Variants in CYP2E1 observed in about 807,000 individuals in gnomAD.
CYP2E1 encodes the protein cytochrome P450 family 2 subfamily E member 1, also known as cytochrome P450 2E1.
In CYP2E1, 31 loss-of-function variants were observed where a neutral mutation model predicts 42.9. That is an observed-to-expected ratio of 0.72 (90% CI 0.54 to 0.98). The LOEUF (loss-of-function observed/expected upper bound fraction) is 0.98, where lower values mean the gene tolerates loss of function less well. Among genes scored for constraint, CYP2E1 ranks in the 50% least tolerant of loss-of-function variants. CYP2E1 has a pLI of 0.00. For synonymous variants in CYP2E1, 244 were observed against 248.9 expected (o/e 0.98, Z 0.19); for missense variants, 565 against 633.2 (o/e 0.89, Z 1.16).
intron 6 of CYP2E1, among the ~76,000 whole-genome samples, chr10:133,536,485 A>G: frequency 7.2e-6 from 1 of 138,584 alleles, no homozygotes; most frequent in Non-Finnish European, 1.6e-5. Context: ...GGGTCAATGG[A>G]TGTGTGGATG....
In CYP2E1 at chr10:133,531,739, G is replaced by C; in HGVS notation, c.487+5G>C. 6.3e-7 allele frequency: 1 copy of C among 1,582,500 alleles called. No individual in the cohort carries two copies. The highest frequency in any genetic ancestry group is 1.2e-5 in the South Asian group (1 of 84,130). Reference sequence around the variant, plus strand: ...AAGCACTCAGGAAGACCCAAGGTGCGTATCTGCTGCCTAGCAGGGCCCAGT... The same window carrying C: ...AAGCACTCAGGAAGACCCAAGGTGCCTATCTGCTGCCTAGCAGGGCCCAGT... On this transcript the variant is annotated splice_donor_5th_base_variant and intron_variant, in intron 3 of 8. Transcript: ENST00000252945.
intron 6 of CYP2E1, among the ~76,000 whole-genome samples, chr10:133,536,778 TG>T (rs1851408694): frequency 2.0e-5 from 1 of 49,664 alleles, no homozygotes; most frequent in Non-Finnish European, 4.3e-5. Context: ...GATGGATGGG[TG>T]GGTGGGTGGA....
In CYP2E1 at chr10:133,538,900, C is replaced by T; in HGVS notation, c.1418C>T (p.Pro473Leu). The change falls in exon 9 of 9, where the codon CCT (proline) becomes CTT (leucine). Residue 473 changes from proline to leucine, a missense_variant. By Grantham distance (98) the Pro-to-Leu change is moderately conservative (BLOSUM62 -3). Transcript: ENST00000252945. ...LVDPKDIDLS[P>L]IHIGFGCIPP... ...GACCCAAAGGATATCGACCTCAGCCCTATACATATTGGGTTTGGCTGTATC... is the reference window on the plus strand; with the variant it reads ...GACCCAAAGGATATCGACCTCAGCCTTATACATATTGGGTTTGGCTGTATC... 6.2e-7 allele frequency: 1 copy of T among 1,614,078 alleles called. No homozygotes were observed. Among genetic ancestry groups the T allele is most frequent in the Non-Finnish European group, 8.5e-7 (1 of 1,179,990 alleles).
rs138223492 is a variant in CYP2E1 at position 133,533,894 on chromosome 10, G to A, written c.964G>A (p.Glu322Lys). The change falls in exon 6 of 9, where the codon GAA becomes AAA. Residue 322 changes from glutamate to lysine, a missense_variant. Physicochemically the swap from Glu to Lys is moderately conservative, Grantham distance 56. Transcript: ENST00000252945. ...GATTCTCATGAAATACCCTGAGATC[G>A]AAGGTAGGCAAGTGACTGAAGGGAC... ...LLILMKYPEI[E>K]EKLHEEIDRV... 5.0e-6 allele frequency: 8 copies of A among 1,613,910 alleles called. No individual in the cohort carries two copies. The highest frequency in any genetic ancestry group is 1.7e-5 in the Admixed American group (1 of 60,002).
At chr10:133,529,229 C>A (rs1018034699) in intron 2 of CYP2E1, among the ~76,000 whole-genome samples, 1 of 152,224 alleles carries the variant, frequency 6.6e-6, no homozygotes, top group Non-Finnish European at 1.5e-5. Context: ...GCCCCGAGTT[C>A]AGCATAAGCA....
At position 133,532,692 on chromosome 10, in the gene CYP2E1, C is replaced by T. The variant is rs1851353447; in HGVS notation, c.649C>T (p.Leu217Phe). The T allele has an allele frequency of 6.3e-7, 1 of 1,590,854 alleles. No homozygotes were observed. The highest frequency in any genetic ancestry group is 8.5e-7 in the Non-Finnish European group (1 of 1,172,090). ...GTAAAATATTTTTTTCCCTCTCTAG[C>T]TTTACAATAATTTTCCCAGCTTTCT... Reference protein sequence around the residue: ...FHLLSTPWLQLYNNFPSFLHY... With the variant: ...FHLLSTPWLQFYNNFPSFLHY... Residue 217 changes from leucine (L) to phenylalanine (F), a missense_variant and splice_region_variant, in exon 5 of 9, where the codon CTT becomes TTT. Transcript: ENST00000252945.
Position 133,537,053 on chromosome 10 carries a change from A to G in CYP2E1, c.968-10A>G, listed in dbSNP as rs1354294507. 4 of 1,611,680 alleles carry G rather than the reference A, an allele frequency of 2.5e-6. No individual in the cohort carries two copies. Among genetic ancestry groups the G allele is most frequent in the Admixed American group, 1.7e-5 (1 of 59,902 alleles). ...AATCCCTGAAATTTGTCCCATTCAT[A>G]TCTTGGCAGAGAAGCTCCATGAAGA... On this transcript the variant is annotated splice_polypyrimidine_tract_variant and intron_variant, in intron 6 of 8. Transcript: ENST00000252945.
intron 1 of CYP2E1, 128 bp downstream of exon 1, chr10:133,527,700 T>G (rs550344504): frequency 1.1e-5 from 8 of 748,350 alleles, no homozygotes; most frequent in Non-Finnish European, 1.8e-5. Context: ...CCTGAATTGA[T>G]AGCATCCTGG....
At chr10:133,537,321 C>T (rs371936931) in intron 7 of CYP2E1, 71 bp downstream of exon 7, 29 of 1,532,152 alleles carry the variant, frequency 1.9e-5, no homozygotes, top group Non-Finnish European at 2.5e-5. Flanking sequence ...TGCCAGGGAG[C>T]AGGATGGGGG....
At chr10:133,529,334 G>T (rs1851310395) in intron 2 of CYP2E1, among the ~76,000 whole-genome samples, 1 of 152,204 alleles carries the variant, frequency 6.6e-6, no homozygotes, top group Admixed American at 6.5e-5. Flanking sequence ...CCTGGCTTCA[G>T]ACCTCAGCGA....
rs752959099 is a variant in CYP2E1, at chr10:133,532,204, G to A, written c.568G>A (p.Asp190Asn). The change falls in exon 4 of 9, where the codon GAC becomes AAC. Residue 190 changes from aspartate to asparagine, a missense_variant. Physicochemically the swap from Asp to Asn is conservative, Grantham distance 23. Coordinates refer to ENST00000252945, the MANE Select transcript of CYP2E1 (RefSeq NM_000773.4). ...CGACATCCTCTTCCGCAAGCATTTT[G>A]ACTACAATGATGAGAAGTTTCTAAG... ...IADILFRKHF[D>N]YNDEKFLRLM... 1.9e-6 allele frequency: 3 copies of A among 1,613,944 alleles called. No individual in the cohort carries two copies. The highest frequency in any genetic ancestry group is 2.5e-6 in the Non-Finnish European group (3 of 1,179,990).
chr10:133,536,901 AGGATGGAT>A (rs1383913202), intron 6 of CYP2E1, among the ~76,000 whole-genome samples, 154 bp from the exon 7 acceptor site: 1 of 143,550 alleles, frequency 7.0e-6, no homozygotes, highest in Non-Finnish European at 1.5e-5. Flanking sequence ...GGATGGATGG[AGGATGGAT>A]GGATGGATGG....
At chr10:133,534,011 T>G (rs1405145375) in intron 6 of CYP2E1, 114 bp downstream of exon 6, 1 of 1,167,082 alleles carries the variant, frequency 8.6e-7, no homozygotes, top group Non-Finnish European at 1.2e-6. Context: ...ACCCTCATGG[T>G]GATGTGGTGA....
chr10:133,537,534 T>C lies in CYP2E1; in HGVS notation c.1156-217T>C, dbSNP rs1004024089. On this transcript the variant is annotated intron_variant, in intron 7 of 8. Transcript: ENST00000252945. Reference sequence around the variant, plus strand: ...AGGAACAAACTATCACAACCAGCCCTGGGGTTAATCCTGTGAGAAGATTAG... The same window carrying C: ...AGGAACAAACTATCACAACCAGCCCCGGGGTTAATCCTGTGAGAAGATTAG... The C allele has an allele frequency of 2.0e-5, 12 of 601,770 alleles. No homozygotes were observed. The African/African-American group carries it at 2.2e-4, about 11-fold the overall frequency. The allele number at this position is 601,770 out of a possible 1,614,324, so 37.3% of individuals were successfully genotyped here. A position where few individuals can be genotyped will look rare whatever the true frequency, so the allele number is the denominator to read the frequency against.
chr10:133,534,401 A>G (rs957209617), intron 6 of CYP2E1, among the ~76,000 whole-genome samples: 8 of 151,924 alleles, frequency 5.3e-5, no homozygotes, highest in Non-Finnish European at 1.2e-4. Flanking sequence ...TCCCAGCGGC[A>G]CCTGGGGCAG....
At chr10:133,528,336 C>G in intron 1 of CYP2E1, 145 bp from the exon 2 acceptor site, 2 of 961,946 alleles carry the variant, frequency 2.1e-6, no homozygotes, top group Non-Finnish European at 3.0e-6. Flanking sequence ...TCTCCCCCAC[C>G]TCGGGCTGGA....
Position 133,532,193 on chromosome 10 carries a change from G to T in CYP2E1, c.557G>T (p.Arg186Leu). The change falls in exon 4 of 9, where the codon CGC (arginine) becomes CTC (leucine). Residue 186 changes from arginine to leucine, a missense_variant. Transcript: ENST00000252945. ...PCNVIADILF[R>L]KHFDYNDEKF... Reference sequence around the variant, plus strand: ...AACGTCATAGCCGACATCCTCTTCCGCAAGCATTTTGACTACAATGATGAG... The same window carrying T: ...AACGTCATAGCCGACATCCTCTTCCTCAAGCATTTTGACTACAATGATGAG... 1.2e-6 allele frequency: 2 copies of T among 1,613,910 alleles called. No individual in the cohort carries two copies. The highest frequency in any genetic ancestry group is 1.7e-6 in the Non-Finnish European group (2 of 1,179,964).
At chr10:133,527,708 T>C in intron 1 of CYP2E1, 136 bp downstream of exon 1, 1 of 711,346 alleles carries the variant, frequency 1.4e-6, no homozygotes, top group Non-Finnish European at 2.3e-6. Flanking sequence ...GATAGCATCC[T>C]GGAGCGACAC....
intron 2 of CYP2E1, 67 bp downstream of exon 2, chr10:133,528,707 G>A (rs977362364): frequency 2.5e-6 from 4 of 1,577,978 alleles, no homozygotes; most frequent in African/African-American, 1.4e-5. Context: ...ACGGGCGCTA[G>A]CCACGTCGGC....
Sources: gnomAD v4.1 joint callset for allele counts (sites outside exome capture counted in the v4.1 genomes callset) on GRCh38, gnomAD v4.1.1 for gene constraint, MANE v1.5 for transcripts, NCBI Gene and HGNC (gene_info 2026-07-23, HGNC 2026-07-21) for gene names.